ANKFY1: variants seen among roughly 807,000 people sequenced by gnomAD.
ANKFY1 encodes ankyrin repeat and FYVE domain containing 1.
A neutral mutation model predicts 128.3 loss-of-function variants in ANKFY1; 47 were observed. That is an observed-to-expected ratio of 0.37 (90% CI 0.29 to 0.47). ANKFY1 has a LOEUF of 0.47. ANKFY1 is among the 20% of genes least tolerant of loss of function. The pLI is 1.00. For missense variants in ANKFY1, 1,222 were observed against 1,510.6 expected (o/e 0.81, Z 3.17); for synonymous variants, 553 against 601.6 (o/e 0.92, Z 1.18).
intron 8 of ANKFY1, among the ~76,000 whole-genome samples, chr17:4,197,059 C>T (rs2143010832): frequency 6.6e-6 from 1 of 152,238 alleles, no homozygotes; most frequent in South Asian, 2.1e-4. Context: ...GTAGAGGCTG[C>T]AGTGAGCCAA....
At chr17:4,241,794 C>A (rs766040962) in intron 2 of ANKFY1, among the ~76,000 whole-genome samples, 2 of 151,850 alleles carry the variant, frequency 1.3e-5, no homozygotes, top group Non-Finnish European at 2.9e-5. Flanking sequence ...ACGAGAGACA[C>A]AAATCTTGCC....
chr17:4,207,100 G>T (rs2060038890), intron 6 of ANKFY1, among the ~76,000 whole-genome samples: 1 of 152,066 alleles, frequency 6.6e-6, no homozygotes, highest in Non-Finnish European at 1.5e-5. Context: ...TTATCCAGGA[G>T]GCCCGACCTA....
chr17:4,262,129 C>T (rs1302578484), intron 1 of ANKFY1, among the ~76,000 whole-genome samples: 4 of 152,170 alleles, frequency 2.6e-5, no homozygotes, highest in African/African-American at 9.7e-5. Context: ...AGTTGGGAGA[C>T]CAGCCTGGGT....
At chr17:4,238,744 G>C (rs950578765) in intron 2 of ANKFY1, among the ~76,000 whole-genome samples, 3 of 151,568 alleles carry the variant, frequency 2.0e-5, no homozygotes, top group Non-Finnish European at 4.4e-5. Flanking sequence ...GGGATTACAG[G>C]TGTGAGCCAC....
chr17:4,222,754 T>A, intron 3 of ANKFY1: 1 of 977,278 alleles, frequency 1.0e-6, no homozygotes, highest in Non-Finnish European at 1.7e-6. Flanking sequence ...CTCGTAGCAA[T>A]AATATTAGCT....
chr17:4,252,696 A>G (rs1427970436), intron 1 of ANKFY1, among the ~76,000 whole-genome samples: 3 of 152,254 alleles, frequency 2.0e-5, no homozygotes, highest in Non-Finnish European at 4.4e-5. Context: ...CCTTATGGCC[A>G]ACAATTCCAC....
intron 8 of ANKFY1, 22 bp from the exon 9 acceptor site, chr17:4,195,493 G>T: frequency 6.2e-7 from 1 of 1,610,220 alleles, no homozygotes; most frequent in Non-Finnish European, 8.5e-7. Flanking sequence ...AAAAGAAGAG[G>T]GGTCAGTTCA....
intron 1 of ANKFY1, among the ~76,000 whole-genome samples, chr17:4,246,430 C>T (rs145093360): frequency 7.9e-5 from 12 of 152,310 alleles, no homozygotes; most frequent in Non-Finnish European, 1.0e-4. Flanking sequence ...GCCCAAGCCT[C>T]GCCCTCTCCT....
chr17:4,234,237 A>G (rs1392939652), intron 3 of ANKFY1, among the ~76,000 whole-genome samples: 3 of 152,208 alleles, frequency 2.0e-5, no homozygotes, highest in African/African-American at 7.2e-5. Flanking sequence ...AAAACCACGT[A>G]ATGACACATT....
At chr17:4,255,383 G>A (rs950130002) in intron 1 of ANKFY1, among the ~76,000 whole-genome samples, 3 of 151,374 alleles carry the variant, frequency 2.0e-5, no homozygotes, top group Non-Finnish European at 2.9e-5. Flanking sequence ...AAGCAGCTGA[G>A]ATTACAGGCG....
intron 4 of ANKFY1, among the ~76,000 whole-genome samples, chr17:4,212,856 C>T (rs1263720623): frequency 8.6e-5 from 13 of 151,278 alleles, no homozygotes; most frequent in Admixed American, 4.6e-4. Context: ...CTGCAACCTC[C>T]GCCTCCCAGG....
intron 4 of ANKFY1, among the ~76,000 whole-genome samples, chr17:4,212,127 C>G (rs1014067199): frequency 6.6e-6 from 1 of 152,194 alleles, no homozygotes; most frequent in African/African-American, 2.4e-5. Context: ...CAGCCCTTCA[C>G]CTCCCTCGCC....
chr17:4,171,912 G>C (rs1454196621), intron 22 of ANKFY1, among the ~76,000 whole-genome samples: 3 of 152,212 alleles, frequency 2.0e-5, no homozygotes, highest in Non-Finnish European at 2.9e-5. Context: ...TCTGGGCTGG[G>C]ATGAGACATC....
chr17:4,233,850 T>C (rs1043442488), intron 3 of ANKFY1, among the ~76,000 whole-genome samples: 9 of 152,238 alleles, frequency 5.9e-5, no homozygotes, highest in Admixed American at 2.0e-4. Context: ...GCACTGCGCA[T>C]GGAAAACAGT....
At position 4,206,797 on chromosome 17, in the gene ANKFY1, G is replaced by A. The variant is rs536168960; in HGVS notation, c.733-311C>T. Among the ~76,000 whole-genome samples, 253 of 152,312 alleles carry A rather than the reference G, an allele frequency of 1.7e-3. 1 individual carries two copies. The highest frequency in any genetic ancestry group is 5.9e-3 in the African/African-American group (244 of 41,564). On this transcript the variant is annotated intron_variant, in intron 6 of 24. Coordinates refer to ENST00000341657, the MANE Select transcript of ANKFY1 (RefSeq NM_001330063.2). Reference sequence around the variant, plus strand: ...CACGAGTGCCAGGCAGAGGCTCAGAGAGTTTTACGGTGAACAGCTAATGTT... The same window carrying A: ...CACGAGTGCCAGGCAGAGGCTCAGAAAGTTTTACGGTGAACAGCTAATGTT...
chr17:4,179,645 A>G (rs1441165855), intron 17 of ANKFY1, 76 bp downstream of exon 17: 7 of 1,559,964 alleles, frequency 4.5e-6, no homozygotes, highest in Non-Finnish European at 8.7e-7. Flanking sequence ...GGACTGTGCA[A>G]GGTCCTCTGC....
chr17:4,173,573 C>T (rs2059361838), intron 20 of ANKFY1, 129 bp from the exon 21 acceptor site: 1 of 853,122 alleles, frequency 1.2e-6, no homozygotes, highest in African/African-American at 1.7e-5. Context: ...CGCACAGAGC[C>T]ATCCTTTCTG....
rs764790303 is a variant in ANKFY1 at position 4,195,142 on chromosome 17, G to A, written c.1208C>T (p.Thr403Met). ...DLELKDHEGS[T>M]ALWLAVQHIT... ...ATGCTGCACTGCCAGCCACAGAGCC[G>A]TGCTGCCCTCGTGGTCTTTGAGTTC... Residue 403 changes from threonine to methionine, a missense_variant, in exon 10 of 25, where the codon ACG (threonine) becomes ATG (methionine). Thr to Met is a moderately conservative substitution (Grantham distance 81). Transcript: ENST00000341657. 5.0e-6 allele frequency: 8 copies of A among 1,611,968 alleles called. No individual in the cohort carries two copies. The highest frequency in any genetic ancestry group is 3.3e-5 in the South Asian group (3 of 91,048).
At chr17:4,183,373 G>A (rs1216936825) in intron 14 of ANKFY1, 25 bp downstream of exon 14, 3 of 1,609,044 alleles carry the variant, frequency 1.9e-6, no homozygotes, top group Non-Finnish European at 2.5e-6. Flanking sequence ...CCTGGTGTTA[G>A]GTGGAGAGAG....
Sources: allele counts gnomAD v4.1 joint callset (sites outside exome capture counted in the v4.1 genomes callset), GRCh38; gene constraint gnomAD v4.1.1; transcripts MANE v1.5; gene names NCBI Gene and HGNC (gene_info 2026-07-23, HGNC 2026-07-21).